PPP1R1C: variants seen among roughly 807,000 people sequenced by gnomAD.
The protein encoded by PPP1R1C is protein phosphatase 1 regulatory inhibitor subunit 1C.
A neutral mutation model predicts 17.4 loss-of-function variants in PPP1R1C; 15 were observed. The observed-to-expected ratio is 0.86, with a 90% CI of 0.58 to 1.33. The LOEUF (loss-of-function observed/expected upper bound fraction) is 1.33, where lower values mean the gene tolerates loss of function less well. PPP1R1C is among the 40% of genes most tolerant of loss of function. PPP1R1C has a pLI of 0.00. For synonymous variants in PPP1R1C, 35 were observed against 43.1 expected (o/e 0.81, Z 0.73); for missense variants, 143 against 130.0 (o/e 1.10, Z -0.48).
chr2:181,981,530 G>A (rs986134653), upstream of PPP1R1C, among the ~76,000 whole-genome samples: 1 of 152,206 alleles, frequency 6.6e-6, no homozygotes, highest in Admixed American at 6.5e-5. Context: ...CACTTGGAAA[G>A]AGTGGTTCAT....
intron 2 of PPP1R1C, among the ~76,000 whole-genome samples, chr2:182,024,804 G>A (rs1173340974): frequency 6.6e-6 from 1 of 151,872 alleles, no homozygotes; most frequent in African/African-American, 2.4e-5. Flanking sequence ...GCAGTGAGCT[G>A]AGATCATGCC....
intron 2 of PPP1R1C, among the ~76,000 whole-genome samples, chr2:182,032,301 A>G (rs910399558): frequency 6.6e-6 from 1 of 152,044 alleles, no homozygotes; most frequent in Non-Finnish European, 1.5e-5. Flanking sequence ...CCTCTTTCAA[A>G]CCTTGCTTTA....
intron 4 of PPP1R1C, among the ~76,000 whole-genome samples, chr2:182,094,761 G>A (rs1688883287): frequency 6.6e-6 from 1 of 152,142 alleles, no homozygotes; most frequent in Non-Finnish European, 1.5e-5. Context: ...TTGAGCAGTA[G>A]GATATATATA....
rs186372495 is a variant in PPP1R1C, at chr2:182,022,949, A to G, written c.142+35050A>G. ...TGCAAAAGTGGATGTAGAAATACCC[A>G]ATTCTCACTTGTAACTTGTGGCAAG... is the stretch of plus-strand genomic sequence containing the variant. On this transcript the variant is annotated intron_variant, in intron 2 of 4. Coordinates refer to ENST00000682840, the MANE Select transcript of PPP1R1C (RefSeq NM_001080545.3). 3.2e-4 allele frequency among the ~76,000 whole-genome samples: 48 copies of G among 152,320 alleles called. No homozygotes were observed. In the East Asian group the frequency reaches 5.6e-3, roughly 18 times the overall value.
rs1051291421 is a variant in PPP1R1C at position 181,999,090 on chromosome 2, G to A, written c.142+11191G>A. Among the ~76,000 whole-genome samples, 6 of 152,220 alleles carry A rather than the reference G, an allele frequency of 3.9e-5. No individual in the cohort carries two copies. In the East Asian group the frequency reaches 5.8e-4, roughly 15 times the overall value. On this transcript the variant is annotated intron_variant, in intron 2 of 4. Transcript: ENST00000682840. ...TTCACACATTCTAGATCTACAGTAC[G>A]CAGCCATCATTGGAATCAAGACAAA... is the stretch of plus-strand genomic sequence containing the variant.
At chr2:182,052,829 A>C (rs2674601) in intron 2 of PPP1R1C, among the ~76,000 whole-genome samples, 6,519 of 152,332 alleles carry the variant, frequency 0.043, 427 homozygotes, top group Admixed American at 0.18. Flanking sequence ...AAATAAAATC[A>C]TAATTTATTG....
At chr2:182,046,715 G>A (rs1687358763) in intron 2 of PPP1R1C, among the ~76,000 whole-genome samples, 1 of 150,712 alleles carries the variant, frequency 6.6e-6, no homozygotes, top group Non-Finnish European at 1.5e-5. Context: ...TTCCAGCCTG[G>A]CAACAGAGCG....
At chr2:182,034,530 A>G (rs151220709) in intron 2 of PPP1R1C, among the ~76,000 whole-genome samples, 2,837 of 152,332 alleles carry the variant, frequency 0.019, 76 homozygotes, top group African/African-American at 0.065. Context: ...GCAGCATGAC[A>G]TGACACATTG....
intron 2 of PPP1R1C, among the ~76,000 whole-genome samples, chr2:181,994,019 A>C (rs1262191314): frequency 1.5e-5 from 2 of 136,824 alleles, no homozygotes; most frequent in Non-Finnish European, 3.3e-5. Context: ...GTGGGTAAGA[A>C]AAAAAAAAGA....
chr2:182,104,440 C>A (rs1484201345), intron 4 of PPP1R1C, among the ~76,000 whole-genome samples: 1 of 152,084 alleles, frequency 6.6e-6, no homozygotes, highest in Admixed American at 6.5e-5. Context: ...TTTTCTGCAC[C>A]TATTGAGGTG....
chr2:182,063,795 C>G lies in PPP1R1C; in HGVS notation c.241+4C>G. 1 of 1,611,522 alleles carries G rather than the reference C, an allele frequency of 6.2e-7. No individual in the cohort carries two copies. Among genetic ancestry groups the G allele is most frequent in the South Asian group, 1.1e-5 (1 of 91,040 alleles). Reference sequence around the variant, plus strand: ...TACACACCACCCACCATAAAAGGTACTGTTCAGGTACTGTTTCGGGTTGTC... The same window carrying G: ...TACACACCACCCACCATAAAAGGTAGTGTTCAGGTACTGTTTCGGGTTGTC... On this transcript the variant is annotated splice_donor_region_variant and intron_variant, in intron 4 of 4. Coordinates refer to ENST00000682840, the MANE Select transcript of PPP1R1C (RefSeq NM_001080545.3).
At chr2:182,120,703 C>T (rs1559101460), downstream of PPP1R1C, among the ~76,000 whole-genome samples, 2 of 152,128 alleles carry the variant, frequency 1.3e-5, no homozygotes, top group Non-Finnish European at 2.9e-5. Flanking sequence ...ATTGCCCTTC[C>T]CTTTCCTTGA....
At chr2:182,050,438 C>T (rs759545858) in intron 2 of PPP1R1C, among the ~76,000 whole-genome samples, 1 of 152,168 alleles carries the variant, frequency 6.6e-6, no homozygotes, top group Non-Finnish European at 1.5e-5. Context: ...CATCTGCTGA[C>T]TTTATTTCAG....
intron 2 of PPP1R1C, among the ~76,000 whole-genome samples, chr2:182,009,010 A>C (rs551510617): frequency 6.6e-6 from 1 of 152,110 alleles, no homozygotes; most frequent in Non-Finnish European, 1.5e-5. Flanking sequence ...TACGTATCAC[A>C]TTTTGTTATC....
At chr2:182,067,446 G>C (rs1483839318) in intron 4 of PPP1R1C, among the ~76,000 whole-genome samples, 2 of 152,006 alleles carry the variant, frequency 1.3e-5, no homozygotes, top group Admixed American at 1.3e-4. Flanking sequence ...ATGGATTTTG[G>C]AGGGTGGAAG....
chr2:182,093,807 A>C (rs1459153466), intron 4 of PPP1R1C, among the ~76,000 whole-genome samples: 1 of 152,204 alleles, frequency 6.6e-6, no homozygotes, highest in Non-Finnish European at 1.5e-5. Context: ...CAGCCTGGAC[A>C]TTATTGTCCA....
Position 182,027,649 on chromosome 2 carries a change from C to G in PPP1R1C, c.143-33793C>G, listed in dbSNP as rs1176891153. Among the ~76,000 whole-genome samples the G allele has an allele frequency of 2.1e-5, 3 of 144,296 alleles. No individual in the cohort carries two copies. The East Asian group carries it at 6.1e-4, about 29-fold the overall frequency. 94.7% of individuals were successfully genotyped at this position (144,296 alleles called of 152,430 possible). On this transcript the variant is annotated intron_variant, in intron 2 of 4. Transcript: ENST00000682840. ...TGAGGATTTTTGCATCAATGTTCAT[C>G]AAGGATATTGGTCTAAAATTCTCTT... is the stretch of plus-strand genomic sequence containing the variant.
At chr2:182,025,206 T>A (rs1377364583) in intron 2 of PPP1R1C, among the ~76,000 whole-genome samples, 1 of 148,280 alleles carries the variant, frequency 6.7e-6, no homozygotes, top group African/African-American at 2.4e-5. Context: ...ATTATTTATT[T>A]ATTTATTTAT....
chr2:182,028,217 T>C (rs1686688022), intron 2 of PPP1R1C, among the ~76,000 whole-genome samples: 1 of 127,934 alleles, frequency 7.8e-6, no homozygotes, highest in African/African-American at 3.0e-5. Context: ...TTCCTTCAGT[T>C]CTGCTCTGAT....
Sources: gnomAD v4.1 joint callset for allele counts (sites outside exome capture counted in the v4.1 genomes callset) on GRCh38, gnomAD v4.1.1 for gene constraint, MANE v1.5 for transcripts, NCBI Gene and HGNC (gene_info 2026-07-23, HGNC 2026-07-21) for gene names.